Variants in HERC3 observed in about 807,000 individuals in gnomAD.
HERC3 encodes the protein HECT and RLD domain containing E3 ubiquitin protein ligase 3.
In HERC3, 58 loss-of-function variants were observed where a neutral mutation model predicts 129.9. That is an observed-to-expected ratio of 0.45 (90% confidence interval 0.36 to 0.56). The LOEUF is 0.56. Ranked by LOEUF, HERC3 falls within the 20% of genes least tolerant of loss-of-function variation. The pLI is 0.00. For missense variants in HERC3, 835 were observed against 1,244.2 expected (o/e 0.67, Z 4.95); for synonymous variants, 430 against 451.0 (o/e 0.95, Z 0.59).
intron 3 of HERC3, among the ~76,000 whole-genome samples, chr4:88,631,709 A>G (rs1348247286): frequency 1.3e-5 from 2 of 152,216 alleles, no homozygotes; most frequent in Non-Finnish European, 2.9e-5. Context: ...TGAAACATTC[A>G]TGGGAGAGCT....
chr4:88,695,277 G>A (rs1734487831), intron 23 of HERC3, among the ~76,000 whole-genome samples: 1 of 152,118 alleles, frequency 6.6e-6, no homozygotes, highest in South Asian at 2.1e-4. Flanking sequence ...ACAGGTCAGT[G>A]CTGCCTTCCA....
At position 88,697,203 on chromosome 4, in the gene HERC3, C is replaced by G. The variant is rs199794308; in HGVS notation, c.2658-6895C>G. On this transcript the variant is annotated intron_variant, in intron 23 of 25. Transcript: ENST00000402738. ...GCTTTCTCTTCATCCATCTCTGCCCCCCTTACTTCTTGGCGTCATCAGGCA... is the reference window on the plus strand; with the variant it reads ...GCTTTCTCTTCATCCATCTCTGCCCGCCTTACTTCTTGGCGTCATCAGGCA... 30 of 1,510,482 alleles carry G rather than the reference C, an allele frequency of 2.0e-5. No homozygotes were observed. The Middle Eastern group carries it at 7.2e-4, about 36-fold the overall frequency. The allele number at this position is 1,510,482 out of a possible 1,614,324, so 93.6% of individuals were successfully genotyped here. A position where few individuals can be genotyped will look rare whatever the true frequency, so the allele number is the denominator to read the frequency against.
intron 23 of HERC3, among the ~76,000 whole-genome samples, chr4:88,701,950 G>T (rs971389330): frequency 6.6e-6 from 1 of 151,934 alleles, no homozygotes; most frequent in Admixed American, 6.6e-5. Flanking sequence ...CTACAGGCAT[G>T]CACCACCAGG....
intron 3 of HERC3, among the ~76,000 whole-genome samples, chr4:88,623,349 A>G (rs1426023208): frequency 6.6e-6 from 1 of 152,150 alleles, no homozygotes; most frequent in African/African-American, 2.4e-5. Flanking sequence ...GGCTGGTTTG[A>G]TTACTCATCC....
chr4:88,667,672 T>C (rs1578276589), intron 13 of HERC3, among the ~76,000 whole-genome samples, 184 bp downstream of exon 13: 2 of 152,208 alleles, frequency 1.3e-5, no homozygotes, highest in South Asian at 4.1e-4. Flanking sequence ...TCCAAGGCAA[T>C]GCCCCTCTAG....
At chr4:88,543,732 A>G in the HERC3 span, among the ~76,000 whole-genome samples, 2 of 152,192 alleles carry the variant, frequency 1.3e-5, no homozygotes, top group Non-Finnish European at 2.9e-5. Context: ...ATATAGACCA[A>G]TGGAACAGAA....
chr4:88,575,383 T>A, the HERC3 span, among the ~76,000 whole-genome samples: 1 of 152,286 alleles, frequency 6.6e-6, no homozygotes, highest in African/African-American at 2.4e-5. Context: ...CTAGAGCTCC[T>A]CCTCAGCCTG....
intron 2 of HERC3, among the ~76,000 whole-genome samples, chr4:88,597,213 A>G (rs1042150865): frequency 6.6e-6 from 1 of 152,256 alleles, no homozygotes; most frequent in Non-Finnish European, 1.5e-5. Context: ...TACTTACATT[A>G]AAATTTATTA....
At chr4:88,675,937 A>G (rs935681317) in intron 16 of HERC3, among the ~76,000 whole-genome samples, 1 of 152,206 alleles carries the variant, frequency 6.6e-6, no homozygotes, top group Non-Finnish European at 1.5e-5. Context: ...TAGATTGCTT[A>G]TAAAAGAGAA....
intron 10 of HERC3, among the ~76,000 whole-genome samples, chr4:88,660,254 T>C (rs1057413958): frequency 6.6e-6 from 1 of 151,210 alleles, no homozygotes; most frequent in African/African-American, 2.4e-5. Flanking sequence ...CAGGCTGGGG[T>C]ACAATGGCGT....
chr4:88,679,808 A>G (rs2924357), intron 19 of HERC3, among the ~76,000 whole-genome samples: 67,156 of 152,064 alleles, frequency 0.44, 17,977 homozygotes, highest in African/African-American at 0.75. Flanking sequence ...GTGAGCCACC[A>G]CGCCCAGCCA....
chr4:88,547,343 C>T, the HERC3 span, among the ~76,000 whole-genome samples: 1 of 152,142 alleles, frequency 6.6e-6, no homozygotes, highest in Non-Finnish European at 1.5e-5. Context: ...GTTTAAATAA[C>T]AGCTTTATTA....
chr4:88,530,150 G>A, the HERC3 span, among the ~76,000 whole-genome samples: 8 of 152,018 alleles, frequency 5.3e-5, no homozygotes, highest in African/African-American at 7.3e-5. Flanking sequence ...CATTACCTTG[G>A]TGTGGTGGCA....
At chr4:88,694,663 T>C (rs1039114300) in intron 23 of HERC3, among the ~76,000 whole-genome samples, 3 of 152,194 alleles carry the variant, frequency 2.0e-5, no homozygotes, top group Admixed American at 2.0e-4. Context: ...CAGATCCAGT[T>C]TGAGTTTTGA....
chr4:88,650,130 A>T (rs1410547294), intron 4 of HERC3, 131 bp downstream of exon 4: 1 of 835,150 alleles, frequency 1.2e-6, no homozygotes, highest in African/African-American at 1.7e-5. Context: ...GCCTTATACT[A>T]TTAAAACACT....
In HERC3 at chr4:88,606,034, G is replaced by A; in HGVS notation, c.211G>A (p.Glu71Lys). The stretch of plus-strand genomic sequence containing the variant: ...CAAGGGGCAACTGGGCCATGAGAGG[G>A]AAGGAAACAAGCCAGGTAAGTGCAC... ...NTKGQLGHER[E>K]GNKPEQIGAL... Residue 71 changes from glutamate to lysine, a missense_variant, in exon 3 of 26, where the codon GAA (glutamate) becomes AAA (lysine). Coordinates refer to ENST00000402738, the MANE Select transcript of HERC3 (RefSeq NM_014606.3). The A allele has an allele frequency of 6.2e-7, 1 of 1,613,604 alleles. No individual in the cohort carries two copies. Among genetic ancestry groups the A allele is most frequent in the South Asian group, 1.1e-5 (1 of 91,060 alleles).
intron 3 of HERC3, among the ~76,000 whole-genome samples, chr4:88,607,004 C>T (rs1011499450): frequency 1.3e-5 from 2 of 152,126 alleles, no homozygotes; most frequent in Non-Finnish European, 1.5e-5. Context: ...CTAAGCAATG[C>T]GATTGCTGTT....
At chr4:88,583,583 T>C in the HERC3 span, 3 of 152,138 alleles carry the variant, frequency 2.0e-5, no homozygotes, top group Admixed American at 6.5e-5. Context: ...TTCATCAAGG[T>C]CAAGGCTTAT....
chr4:88,558,071 CAAAAA>C, the HERC3 span, among the ~76,000 whole-genome samples: 3 of 39,156 alleles, frequency 7.7e-5, no homozygotes, highest in Non-Finnish European at 2.0e-4. Context: ...GACTCTGACT[CAAAAA>C]AAAAAAAAAA....
Sources: gnomAD v4.1 joint callset for allele counts (sites outside exome capture counted in the v4.1 genomes callset) on GRCh38, gnomAD v4.1.1 for gene constraint, MANE v1.5 for transcripts, NCBI Gene and HGNC (gene_info 2026-07-23, HGNC 2026-07-21) for gene names.